SEC61A1: variants seen among roughly 807,000 people sequenced by gnomAD.
SEC61A1 encodes SEC61 translocon subunit alpha 1.
In SEC61A1, 15 loss-of-function variants were observed where a neutral mutation model predicts 55.2. That is an observed-to-expected ratio of 0.27 (90% CI 0.18 to 0.42). The LOEUF (loss-of-function observed/expected upper bound fraction) is 0.42, where lower values mean the gene tolerates loss of function less well. Among genes scored for constraint, SEC61A1 ranks in the 10% least tolerant of loss-of-function variants. The pLI is 1.00. For synonymous variants in SEC61A1, 247 were observed against 234.0 expected (o/e 1.06, Z -0.51); for missense variants, 284 against 602.6 (o/e 0.47, Z 5.53).
chr3:128,067,918 C>A lies in SEC61A1; in HGVS notation c.1168-65C>A. 1 of 1,269,642 alleles carries A rather than the reference C, an allele frequency of 7.9e-7. No individual in the cohort carries two copies. The highest frequency in any genetic ancestry group is 1.2e-5 in the South Asian group (1 of 84,036). The allele number at this position is 1,269,642 out of a possible 1,614,324, so 78.6% of individuals were successfully genotyped here. A position where few individuals can be genotyped will look rare whatever the true frequency, so the allele number is the denominator to read the frequency against. ...GAGGCGATCTGTAACTGTTCAGTAC[C>A]ACTTGGAATGCCTATTTCCCCTTCA... On this transcript the variant is annotated intron_variant, in intron 10 of 11. Transcript: ENST00000243253. The surrounding 1 kb of genome is among the most constrained non-coding windows in gnomAD (Gnocchi z 4.1).
chr3:128,057,594 C>G (rs1000384694), intron 5 of SEC61A1, among the ~76,000 whole-genome samples: 1 of 270 alleles, frequency 3.7e-3, no homozygotes, highest in African/African-American at 0.029. Context: ...CGGTGGCTCA[C>G]GCCTGTAACC....
chr3:128,061,475 A>C (rs1941850522), intron 7 of SEC61A1, among the ~76,000 whole-genome samples: 1 of 152,238 alleles, frequency 6.6e-6, no homozygotes, highest in African/African-American at 2.4e-5. Flanking sequence ...AGAAATAATC[A>C]TGCATATTTG....
chr3:128,052,407 C>T (rs1296460842), upstream of SEC61A1: 1 of 1,233,556 alleles, frequency 8.1e-7, no homozygotes, highest in African/African-American at 1.6e-5. Context: ...CCCCGCGCCG[C>T]GCCGCGCCGC....
At chr3:128,058,095 A>C (rs1413192559) in intron 5 of SEC61A1, among the ~76,000 whole-genome samples, 1 of 151,960 alleles carries the variant, frequency 6.6e-6, no homozygotes, top group African/African-American at 2.4e-5. Flanking sequence ...AACATTAATT[A>C]GGAAATGATA....
chr3:128,057,937 G>A (rs1941796994), intron 5 of SEC61A1, among the ~76,000 whole-genome samples: 1 of 152,010 alleles, frequency 6.6e-6, no homozygotes, highest in African/African-American at 2.4e-5. Flanking sequence ...TGTGATCTGG[G>A]GAAAAGTTAG....
At chr3:128,065,798 G>A (rs536799656) in intron 8 of SEC61A1, among the ~76,000 whole-genome samples, 176 of 141,860 alleles carry the variant, frequency 1.2e-3, no homozygotes, top group African/African-American at 4.3e-3. Context: ...GTGCAGTGGC[G>A]CGATCTCGAC....
intron 2 of SEC61A1, among the ~76,000 whole-genome samples, chr3:128,055,179 G>A (rs930055513): frequency 6.6e-6 from 1 of 152,184 alleles, no homozygotes; most frequent in African/African-American, 2.4e-5. Flanking sequence ...TAATGCTAAT[G>A]GTTAAAAGCA....
Position 128,060,543 on chromosome 3 carries a change from T to G in SEC61A1, c.498T>G (p.Asp166Glu). The change falls in exon 7 of 12, where the codon GAT becomes GAG. Residue 166 changes from aspartate to glutamate, a missense_variant. Coordinates refer to ENST00000243253, the MANE Select transcript of SEC61A1 (RefSeq NM_013336.4). Reference protein sequence around the residue: ...FVAGLIVLLLDELLQKGYGLG... With the variant: ...FVAGLIVLLLEELLQKGYGLG... Reference sequence around the variant, plus strand: ...CTGGCTTAATTGTCCTACTTTTGGATGAACTCCTGCAAAAAGGATATGGCC... The same window carrying G: ...CTGGCTTAATTGTCCTACTTTTGGAGGAACTCCTGCAAAAAGGATATGGCC... 6.2e-7 allele frequency: 1 copy of G among 1,614,218 alleles called. No individual in the cohort carries two copies. The highest frequency in any genetic ancestry group is 8.5e-7 in the Non-Finnish European group (1 of 1,180,038).
chr3:128,055,256 C>T (rs775526021), intron 2 of SEC61A1, among the ~76,000 whole-genome samples: 3 of 152,114 alleles, frequency 2.0e-5, no homozygotes, highest in African/African-American at 4.8e-5. Flanking sequence ...TTCTAAGGCT[C>T]AGTTGTAAAA....
intron 11 of SEC61A1, 94 bp downstream of exon 11, chr3:128,068,153 G>A (rs1942041037): frequency 2.3e-6 from 2 of 878,450 alleles, no homozygotes; most frequent in South Asian, 1.4e-5. Context: ...GCACTTACTG[G>A]GTCACTAAAT....
chr3:128,067,166 T>G lies in SEC61A1; in HGVS notation c.975+15T>G. 1 of 1,612,012 alleles carries G rather than the reference T, an allele frequency of 6.2e-7. No homozygotes were observed. Among genetic ancestry groups the G allele is most frequent in the Non-Finnish European group, 8.5e-7 (1 of 1,178,018 alleles). ...GCACCTGGTCGGTAAGTAGGCTCTT[T>G]GAAGATGAGCTAGCAATGCAGCTAA... is the stretch of plus-strand genomic sequence containing the variant. On this transcript the variant is annotated intron_variant, in intron 9 of 11. Coordinates refer to ENST00000243253, the MANE Select transcript of SEC61A1 (RefSeq NM_013336.4). The surrounding 1 kb of genome is among the most constrained non-coding windows in gnomAD (Gnocchi z 4.1).
upstream of SEC61A1, chr3:128,051,890 C>A: frequency 1.3e-6 from 2 of 1,536,058 alleles, no homozygotes; most frequent in South Asian, 2.4e-5. Context: ...TGCTTAATGA[C>A]TCAGACAGCG....
In SEC61A1 at chr3:128,067,411, T is replaced by G; in HGVS notation, c.976-10T>G. 1 of 1,604,934 alleles carries G rather than the reference T, an allele frequency of 6.2e-7. No homozygotes were observed. The highest frequency in any genetic ancestry group is 8.5e-7 in the Non-Finnish European group (1 of 1,176,636). Reference sequence around the variant, plus strand: ...GAGCACTCACATGCGTTTGGTTTCTTCTTCCCCAGGACACGTCTTCTGGGG... The same window carrying G: ...GAGCACTCACATGCGTTTGGTTTCTGCTTCCCCAGGACACGTCTTCTGGGG... On this transcript the variant is annotated splice_polypyrimidine_tract_variant and intron_variant, in intron 9 of 11. Coordinates refer to ENST00000243253, the MANE Select transcript of SEC61A1 (RefSeq NM_013336.4). The surrounding 1 kb of genome is among the most constrained non-coding windows in gnomAD (Gnocchi z 4.1).
chr3:128,066,006 C>T (rs560835724), intron 8 of SEC61A1, among the ~76,000 whole-genome samples: 1 of 151,988 alleles, frequency 6.6e-6, no homozygotes, highest in East Asian at 1.9e-4. Flanking sequence ...CATTACAAAG[C>T]GCTGGGATTA....
At chr3:128,060,473 G>A (rs1002347859) in intron 6 of SEC61A1, 35 bp from the exon 7 acceptor site, 1 of 1,610,506 alleles carries the variant, frequency 6.2e-7, no homozygotes, top group East Asian at 2.2e-5. Flanking sequence ...GTGGGGAGCA[G>A]TAACACATAG....
At chr3:128,066,586 C>T (rs1464516882) in intron 8 of SEC61A1, 1 of 232,954 alleles carries the variant, frequency 4.3e-6, no homozygotes, top group East Asian at 1.1e-4. Flanking sequence ...CCACACCCGG[C>T]CAGTTTTGTT....
chr3:128,055,788 A>G (rs2107641702), intron 4 of SEC61A1, 37 bp downstream of exon 4: 1 of 1,503,068 alleles, frequency 6.7e-7, no homozygotes, highest in African/African-American at 1.4e-5. Context: ...TGTAGAGTGT[A>G]GGCTTACCTA....
chr3:128,065,173 G>A (rs1386426408), intron 8 of SEC61A1, 136 bp downstream of exon 8: 2 of 1,027,190 alleles, frequency 1.9e-6, no homozygotes, highest in Non-Finnish European at 3.1e-6. Flanking sequence ...TTTGAAGGCA[G>A]CAGGTTTCCA....
Position 128,067,849 on chromosome 3 carries a change from C to A in SEC61A1, c.1168-134C>A. 1.3e-6 allele frequency: 1 copy of A among 770,946 alleles called. No homozygotes were observed. Among genetic ancestry groups the A allele is most frequent in the Non-Finnish European group, 2.2e-6 (1 of 451,410 alleles). 47.8% of individuals were successfully genotyped at this position (770,946 alleles called of 1,614,324 possible). ...TAGACTTTTTCATATGACTTCCTTGCGGCAGTTTTAAAGTTCTCTGTATGA... is the reference window on the plus strand; with the variant it reads ...TAGACTTTTTCATATGACTTCCTTGAGGCAGTTTTAAAGTTCTCTGTATGA... On this transcript the variant is annotated intron_variant, in intron 10 of 11. Transcript: ENST00000243253. The surrounding 1 kb of genome is among the most constrained non-coding windows in gnomAD (Gnocchi z 4.1).
Sources: gnomAD v4.1 joint callset for allele counts (sites outside exome capture counted in the v4.1 genomes callset) on GRCh38, gnomAD v4.1.1 for gene constraint, Gnocchi (gnomAD v3.1) non-coding constraint, MANE v1.5 for transcripts, NCBI Gene and HGNC (gene_info 2026-07-23, HGNC 2026-07-21) for gene names.